The following RAD17 variants were observed in gnomAD, a reference collection of about 807,000 sequenced individuals.
The protein encoded by RAD17 is RAD17 checkpoint clamp loader component.
A neutral mutation model predicts 81.5 loss-of-function variants in RAD17; 31 were observed. The ratio of observed to expected loss-of-function variants is 0.38; its 90% confidence interval spans 0.29 to 0.51. RAD17 has a LOEUF of 0.51. Ranked by LOEUF, RAD17 falls within the 20% of genes least tolerant of loss-of-function variation. RAD17 has a pLI of 0.88. For missense variants in RAD17, 681 were observed against 781.2 expected (o/e 0.87, Z 1.53); for synonymous variants, 261 against 266.2 (o/e 0.98, Z 0.19).
intron 17 of RAD17, among the ~76,000 whole-genome samples, chr5:69,407,614 T>A (rs556161880): frequency 2.1e-5 from 3 of 145,280 alleles, no homozygotes; most frequent in African/African-American, 7.5e-5. Context: ...TCGCCCTCTG[T>A]TGTCCAGGCT....
chr5:69,402,150 C>T (rs541117845), intron 17 of RAD17, among the ~76,000 whole-genome samples: 9 of 150,040 alleles, frequency 6.0e-5, no homozygotes, highest in East Asian at 4.1e-4. Flanking sequence ...CAGGTTCAAG[C>T]GATTCTCCTG....
At chr5:69,386,583 C>T (rs1764228232) in intron 11 of RAD17, 118 bp downstream of exon 11, 27 of 1,164,440 alleles carry the variant, frequency 2.3e-5, no homozygotes, top group South Asian at 3.6e-5. Context: ...TTTTATTATA[C>T]TCATAAGGCA....
chr5:69,374,566 C>T, intron 5 of RAD17, 62 bp from the exon 6 acceptor site: 2 of 1,173,986 alleles, frequency 1.7e-6, no homozygotes, highest in South Asian at 1.3e-5. Flanking sequence ...TTCATATGTG[C>T]TGATGTACCA....
intron 8 of RAD17, among the ~76,000 whole-genome samples, chr5:69,385,572 A>T (rs1764162248): frequency 2.0e-5 from 3 of 152,212 alleles, no homozygotes; most frequent in African/African-American, 7.2e-5. Flanking sequence ...CACCCAGCCA[A>T]CTTTTAAAAT....
Position 69,396,410 on chromosome 5 carries a change from T to C in RAD17, c.1436T>C (p.Leu479Pro), listed in dbSNP as rs766988428. Residue 479 changes from leucine (L) to proline (P), a missense_variant, in exon 16 of 19, where the codon CTC becomes CCC. Coordinates refer to ENST00000354868, the MANE Select transcript of RAD17 (RefSeq NM_133338.3). ...LSGDWNTRSL[L>P]REYSTSIATR... ...CTCATTTGTTAGACACGCTCTTTAC[T>C]CAGGGAATATAGCACATCTATAGCT... is the stretch of plus-strand genomic sequence containing the variant. 1 of 1,611,354 alleles carries C rather than the reference T, an allele frequency of 6.2e-7. No homozygotes were observed. The highest frequency in any genetic ancestry group is 8.5e-7 in the Non-Finnish European group (1 of 1,178,538).
rs908713171 is a variant in RAD17 at position 69,390,969 on chromosome 5, C to T, written c.1007-862C>T. ...CCCTGTGTCAAAAAAAAAAAAAGGC[C>T]GGGCATGGTGGCTCATGCCTGTAAT... is the stretch of plus-strand genomic sequence containing the variant. On this transcript the variant is annotated intron_variant, in intron 12 of 18. Coordinates refer to ENST00000354868, the MANE Select transcript of RAD17 (RefSeq NM_133338.3). 5.4e-5 allele frequency among the ~76,000 whole-genome samples: 8 copies of T among 149,052 alleles called. 1 individual carries two copies. The South Asian group carries it at 1.3e-3, about 24-fold the overall frequency.
chr5:69,381,367 G>A (rs1763847591), intron 6 of RAD17, among the ~76,000 whole-genome samples: 1 of 151,940 alleles, frequency 6.6e-6, no homozygotes, highest in Non-Finnish European at 1.5e-5. Flanking sequence ...TGTAGTCCCA[G>A]CTACTCGGGT....
intron 17 of RAD17, among the ~76,000 whole-genome samples, chr5:69,405,456 C>T (rs1274000541): frequency 2.0e-5 from 3 of 151,168 alleles, no homozygotes; most frequent in African/African-American, 7.3e-5. Context: ...CACCTGAGGT[C>T]GGGAGTTCGA....
Position 69,373,926 on chromosome 5 carries a change from C to T in RAD17, c.106C>T (p.His36Tyr), listed in dbSNP as rs771428557. 5.0e-6 allele frequency: 8 copies of T among 1,612,132 alleles called. No individual in the cohort carries two copies. The East Asian group carries it at 6.7e-5, about 13-fold the overall frequency. The change falls in exon 5 of 19, where the codon CAT (histidine) becomes TAT (tyrosine). Residue 36 changes from histidine to tyrosine, a missense_variant. Coordinates refer to ENST00000354868, the MANE Select transcript of RAD17 (RefSeq NM_133338.3). ...ATSLGVNNSS[H>Y]RRKNGPSTLE... is the part of the protein sequence containing the mutation. ...ATCATTAGGTGTGAATAACTCAAGT[C>T]ATAGAAGAAAAAATGGGCCTTCTAC... is the stretch of plus-strand genomic sequence containing the variant.
At chr5:69,388,733 A>G (rs1017734330) in intron 11 of RAD17, among the ~76,000 whole-genome samples, 1 of 152,016 alleles carries the variant, frequency 6.6e-6, no homozygotes, top group African/African-American at 2.4e-5. Flanking sequence ...CAGCCTCCCA[A>G]GTAGCAGGGA....
At chr5:69,397,695 A>T (rs957408757) in intron 16 of RAD17, among the ~76,000 whole-genome samples, 1 of 152,214 alleles carries the variant, frequency 6.6e-6, no homozygotes, top group Non-Finnish European at 1.5e-5. Context: ...AATTTCAGTT[A>T]GGCAGGAGGA....
chr5:69,393,718 ATTTTCTTT>A lies in RAD17; in HGVS notation c.1422+231_1422+238del, dbSNP rs542487148. On this transcript the variant is annotated intron_variant, in intron 15 of 18. Transcript: ENST00000354868. ...TATAGCACCAATTGTTTCTAAAGTT[ATTTTCTTT>A]TTTTCTTTTTTTTCTGTGTGTGTGT... Among the ~76,000 whole-genome samples the A allele has an allele frequency of 7.9e-5, 12 of 151,584 alleles. No homozygotes were observed. The South Asian group carries it at 1.9e-3, about 24-fold the overall frequency.
At chr5:69,396,602 A>G in intron 16 of RAD17, 56 bp downstream of exon 16, 9 of 1,412,736 alleles carry the variant, frequency 6.4e-6, no homozygotes, top group Non-Finnish European at 8.4e-6. Flanking sequence ...ATGGTACGTG[A>G]ATTATAACTC....
chr5:69,369,515 C>T (rs1386984594), upstream of RAD17: 7 of 1,611,008 alleles, frequency 4.3e-6, no homozygotes, highest in Admixed American at 6.7e-5. Flanking sequence ...CGGCTTCGGG[C>T]GCCTCGCTCA....
Position 69,410,550 on chromosome 5 carries a change from G to A in RAD17, c.1751G>A (p.Arg584Lys). Residue 584 changes from arginine (R) to lysine (K), a missense_variant and splice_region_variant, in exon 18 of 19, where the codon AGA (arginine) becomes AAA (lysine). Coordinates refer to ENST00000354868, the MANE Select transcript of RAD17 (RefSeq NM_133338.3). ...GRLPLKRHFG[R>K]LKMEALTDRE... The stretch of plus-strand genomic sequence containing the variant: ...CTCCCTCTGAAGCGACACTTTGGAA[G>A]GTAAGCTGATCATCTCAATTTCCAA... 2 of 1,612,422 alleles carry A rather than the reference G, an allele frequency of 1.2e-6. No homozygotes were observed. The highest frequency in any genetic ancestry group is 8.5e-7 in the Non-Finnish European group (1 of 1,178,842).
At chr5:69,371,650 T>A in intron 3 of RAD17, 93 bp downstream of exon 3, 1 of 615,318 alleles carries the variant, frequency 1.6e-6, no homozygotes, top group Non-Finnish European at 2.4e-6. Flanking sequence ...GCTATCAAAG[T>A]AATAGAGCCG....
rs1263382747 is a variant in RAD17, at chr5:69,373,993, T to C, written c.173T>C (p.Leu58Pro). The C allele has an allele frequency of 1.2e-6, 2 of 1,613,064 alleles. No individual in the cohort carries two copies. The highest frequency in any genetic ancestry group is 2.7e-5 in the African/African-American group (2 of 74,888). ...SRFPARKRGNLSSLEQIYGLE... is the reference protein window; with the variant it reads ...SRFPARKRGNPSSLEQIYGLE... ...TTTCCAGCGAGAAAAAGAGGAAATC[T>C]ATCTTCCTTAGAACAGATTTATGGT... is the stretch of plus-strand genomic sequence containing the variant. Residue 58 changes from leucine (L) to proline (P), a missense_variant, in exon 5 of 19, where the codon CTA becomes CCA. By Grantham distance (98) the Leu-to-Pro change is moderately conservative. Coordinates refer to ENST00000354868, the MANE Select transcript of RAD17 (RefSeq NM_133338.3).
chr5:69,401,268 C>CT (rs1368335060), intron 17 of RAD17, among the ~76,000 whole-genome samples: 1 of 152,190 alleles, frequency 6.6e-6, no homozygotes. Flanking sequence ...CCACAGGTTG[C>CT]TTTGACAGAT....
chr5:69,383,460 G>T (rs1763980493), intron 7 of RAD17, among the ~76,000 whole-genome samples: 1 of 151,494 alleles, frequency 6.6e-6, no homozygotes. Context: ...CTCACTGCAA[G>T]CTCCGCCTCC....
Sources: allele counts gnomAD v4.1 joint callset (sites outside exome capture counted in the v4.1 genomes callset), GRCh38; gene constraint gnomAD v4.1.1; transcripts MANE v1.5; gene names NCBI Gene and HGNC (gene_info 2026-07-23, HGNC 2026-07-21).